Variants in CHRNB4 observed in about 807,000 individuals in gnomAD.
The protein encoded by CHRNB4 is neuronal acetylcholine receptor subunit beta-4.
A neutral mutation model predicts 40.4 loss-of-function variants in CHRNB4; 23 were observed. The ratio of observed to expected loss-of-function variants is 0.57; its 90% CI spans 0.41 to 0.81. The LOEUF (loss-of-function observed/expected upper bound fraction) is 0.81. CHRNB4 is among the 30% of genes least tolerant of loss of function. CHRNB4 has a pLI of 0.00. For missense variants in CHRNB4, 568 were observed against 670.6 expected (o/e 0.85, Z 1.69); for synonymous variants, 285 against 274.4 (o/e 1.04, Z -0.38).
At position 78,654,605 on chromosome 15, in the gene CHRNB4, G is replaced by A. The variant is rs185314520; in HGVS notation, c.-110+939C>T. On this transcript the variant is annotated intron_variant and NMD_transcript_variant, in intron 5 of 11. Coordinates refer to the CHRNB4 transcript ENST00000559849. ...CAAGAGTATCTTCCGTGTACGTGCTGTGAAAAATAGGCAATGTGAAATCCA... is the reference window on the plus strand; with the variant it reads ...CAAGAGTATCTTCCGTGTACGTGCTATGAAAAATAGGCAATGTGAAATCCA... Among the ~76,000 whole-genome samples the A allele has an allele frequency of 5.4e-4, 83 of 152,302 alleles. 1 individual carries two copies. The Middle Eastern group carries it at 0.01, about 19-fold the overall frequency.
At chr15:78,630,033 A>G in intron 4 of CHRNB4, 88 bp from the exon 5 acceptor site, 3 of 1,400,264 alleles carry the variant, frequency 2.1e-6, no homozygotes, top group Non-Finnish European at 2.8e-6. Flanking sequence ...GCCCTTTGGG[A>G]TTATTTCCCA....
rs80197910 is a variant in CHRNB4, at chr15:78,646,364, A to G, written c.46+3015T>C. Among the ~76,000 whole-genome samples the G allele has an allele frequency of 2.4e-3, 364 of 152,380 alleles. 5 individuals carry two copies. Among genetic ancestry groups the G allele is most frequent in the African/African-American group, 8.0e-3 (333 of 41,586 alleles). ...CCCTAGTTCACACCGTACCAAAAATAAAATCCAGGTTCATTAAAGATTTAG... is the reference window on the plus strand; with the variant it reads ...CCCTAGTTCACACCGTACCAAAAATGAAATCCAGGTTCATTAAAGATTTAG... On this transcript the variant is annotated intron_variant and NMD_transcript_variant, in intron 7 of 11. Coordinates refer to the CHRNB4 transcript ENST00000559849.
chr15:78,642,374 A>C (rs906027767), upstream of CHRNB4, among the ~76,000 whole-genome samples: 1 of 152,262 alleles, frequency 6.6e-6, no homozygotes, highest in Non-Finnish European at 1.5e-5. Context: ...AATCATCTCC[A>C]TGAACCAAAA....
At chr15:78,646,939 C>T (rs2054127619) in intron 7 of CHRNB4, among the ~76,000 whole-genome samples, 1 of 151,990 alleles carries the variant, frequency 6.6e-6, no homozygotes, top group African/African-American at 2.4e-5. Flanking sequence ...CCAGGAGTTC[C>T]AGACCAGCCT....
In CHRNB4 at chr15:78,658,028, C is replaced by CTTTTTTTT. The variant is rs71448810; in HGVS notation, c.-761+244_-761+251dup. 3.3e-5 allele frequency among the ~76,000 whole-genome samples: 3 copies of CTTTTTTTT among 90,506 alleles called. 1 individual carries two copies. The allele number at this position is 90,506 out of a possible 152,430, so 59.4% of individuals were successfully genotyped here. On this transcript the variant is annotated intron_variant and NMD_transcript_variant, in intron 2 of 11. Coordinates refer to the CHRNB4 transcript ENST00000559849. ...CTCACAATGACTGTCTCTTGTTTCT[C>CTTTTTTTT]TTTTTTTTTTTTTTTTTTTTTTGAG... is the stretch of plus-strand genomic sequence containing the variant.
chr15:78,628,609 C>T (rs540727509), intron 5 of CHRNB4, among the ~76,000 whole-genome samples: 1 of 152,192 alleles, frequency 6.6e-6, no homozygotes, highest in East Asian at 1.9e-4. Flanking sequence ...GTACTGAGTC[C>T]CGGGTACCCA....
At chr15:78,642,784 G>A (rs2054092371), upstream of CHRNB4, among the ~76,000 whole-genome samples, 4 of 152,080 alleles carry the variant, frequency 2.6e-5, no homozygotes, top group South Asian at 8.3e-4. Flanking sequence ...ATATAATCTT[G>A]GTACAAAACT....
intron 1 of CHRNB4, among the ~76,000 whole-genome samples, chr15:78,636,938 T>G (rs1250433067): frequency 6.6e-6 from 1 of 152,094 alleles, no homozygotes; most frequent in African/African-American, 2.4e-5. Flanking sequence ...ATTACTCACA[T>G]GTGAGTTTGG....
At chr15:78,650,852 T>A (rs932862557) in intron 6 of CHRNB4, among the ~76,000 whole-genome samples, 5 of 152,140 alleles carry the variant, frequency 3.3e-5, no homozygotes, top group Middle Eastern at 3.4e-3. Context: ...TAGGGAAGTG[T>A]GATGGTCTAA....
At chr15:78,638,963 C>T (rs1315665664) in intron 1 of CHRNB4, among the ~76,000 whole-genome samples, 2 of 152,206 alleles carry the variant, frequency 1.3e-5, no homozygotes, top group East Asian at 3.9e-4. Context: ...TGGGCCCCAC[C>T]AGCCTCTGCC....
Position 78,641,198 on chromosome 15 carries a change from C to A in CHRNB4, c.-65G>T. On this transcript the variant is annotated 5_prime_UTR_variant, in exon 1 of 6. Coordinates refer to ENST00000261751, the MANE Select transcript of CHRNB4 (RefSeq NM_000750.5). ...GTGGGGTCACAGGGCACCCGTGAGC[C>A]GCGCGGTCGAGTGAGCGCCGGTCCT... 1 of 1,411,444 alleles carries A rather than the reference C, an allele frequency of 7.1e-7. No individual in the cohort carries two copies. Among genetic ancestry groups the A allele is most frequent in the South Asian group, 1.5e-5 (1 of 66,952 alleles). 87.4% of individuals were successfully genotyped at this position (1,411,444 alleles called of 1,614,324 possible). A position where few individuals can be genotyped will look rare whatever the true frequency, so the allele number is the denominator to read the frequency against.
At position 78,631,338 on chromosome 15, in the gene CHRNB4, G is replaced by A. The variant is rs762780433; in HGVS notation, c.205-6C>T. On this transcript the variant is annotated splice_polypyrimidine_tract_variant and splice_region_variant and intron_variant, in intron 2 of 5. Coordinates refer to ENST00000261751, the MANE Select transcript of CHRNB4 (RefSeq NM_000750.5). ...ATGATCTGCTCTCGCTCATTCTGGG[G>A]AGGGAAACGGGGCTATCAGTTCACC... The A allele has an allele frequency of 4.3e-6, 7 of 1,613,310 alleles. No individual in the cohort carries two copies. The Admixed American group carries it at 1.2e-4, about 27-fold the overall frequency.
At position 78,635,099 on chromosome 15, in the gene CHRNB4, T is replaced by C. The variant is rs536889521; in HGVS notation, c.204+340A>G. Among the ~76,000 whole-genome samples the C allele has an allele frequency of 9.2e-5, 14 of 152,180 alleles. 1 individual carries two copies. Among genetic ancestry groups the C allele is most frequent in the African/African-American group, 1.4e-4 (6 of 41,524 alleles). On this transcript the variant is annotated intron_variant, in intron 2 of 5. Transcript: ENST00000261751. ...GAAGCATGTAAGGTTATCTGAGCAGTCTAGGGGAGAGAATAGGGTGGGGCT... is the reference window on the plus strand; with the variant it reads ...GAAGCATGTAAGGTTATCTGAGCAGCCTAGGGGAGAGAATAGGGTGGGGCT...
chr15:78,630,105 CTA>C (rs1202869804), intron 4 of CHRNB4, among the ~76,000 whole-genome samples, 160 bp from the exon 5 acceptor site: 2 of 151,520 alleles, frequency 1.3e-5, no homozygotes, highest in Admixed American at 6.6e-5. Context: ...TTGTTAGCAA[CTA>C]TGTGGTGGAG....
chr15:78,649,385 C>A, exon 7 of CHRNB4: 1 of 454,692 alleles, frequency 2.2e-6, no homozygotes, highest in Non-Finnish European at 4.4e-6. Flanking sequence ...TCACATAATA[C>A]AATATGATCT....
rs192351299 is a variant in CHRNB4, at chr15:78,657,984, G to A, written c.-761+296C>T. Among the ~76,000 whole-genome samples, 69 of 150,950 alleles carry A rather than the reference G, an allele frequency of 4.6e-4. No homozygotes were observed. In the East Asian group the frequency reaches 0.013, roughly 28 times the overall value. On this transcript the variant is annotated intron_variant and NMD_transcript_variant, in intron 2 of 11. Coordinates refer to the CHRNB4 transcript ENST00000559849. ...AGGGTGGGGCACTTTTGATTCTGGG[G>A]ACACATATATCATTATTCCTCACAA...
intron 5 of CHRNB4, among the ~76,000 whole-genome samples, chr15:78,655,338 T>A (rs1173505613): frequency 6.6e-6 from 1 of 151,224 alleles, no homozygotes; most frequent in East Asian, 1.9e-4. Flanking sequence ...AGCCTCCCTA[T>A]CCTAGCAGCT....
chr15:78,642,162 C>A (rs1029063079), upstream of CHRNB4, among the ~76,000 whole-genome samples: 1 of 152,206 alleles, frequency 6.6e-6, no homozygotes, highest in African/African-American at 2.4e-5. Flanking sequence ...TTGCTCCCCC[C>A]ACGTCATTTT....
exon 4 of CHRNB4, chr15:78,656,495 T>C (rs2054214791): frequency 6.6e-6 from 1 of 151,828 alleles, no homozygotes; most frequent in South Asian, 2.1e-4. Context: ...ACATGCCCCA[T>C]AAATTTGTGC....
Sources: allele counts gnomAD v4.1 joint callset (sites outside exome capture counted in the v4.1 genomes callset), GRCh38; gene constraint gnomAD v4.1.1; transcripts MANE v1.5; gene names NCBI Gene and HGNC (gene_info 2026-07-23, HGNC 2026-07-21).